Variants in WRN observed in about 807,000 individuals in gnomAD.
WRN encodes the protein bifunctional 3'-5' exonuclease/ATP-dependent helicase WRN.
A neutral mutation model predicts 180.7 loss-of-function variants in WRN; 149 were observed. The ratio of observed to expected loss-of-function variants is 0.82; its 90% CI spans 0.72 to 0.94. The LOEUF is 0.94. WRN is among the 40% of genes least tolerant of loss of function. The probability of loss-of-function intolerance (pLI) is 0.00; values close to 1 mark genes in which losing one functional copy is unlikely to be tolerated. For missense variants in WRN, 1,661 were observed against 1,700.1 expected (o/e 0.98, Z 0.40); for synonymous variants, 548 against 568.9 (o/e 0.96, Z 0.52).
chr8:31,053,885 T>C (rs983408036), intron 1 of WRN, among the ~76,000 whole-genome samples: 11 of 152,198 alleles, frequency 7.2e-5, no homozygotes, highest in African/African-American at 2.4e-4. Flanking sequence ...TATAAAAAAG[T>C]TCACGTTTAC....
intron 12 of WRN, among the ~76,000 whole-genome samples, 164 bp from the exon 13 acceptor site, chr8:31,088,726 G>A (rs1177515066): frequency 6.6e-6 from 1 of 151,852 alleles, no homozygotes; most frequent in Admixed American, 6.6e-5. Flanking sequence ...TGTCACAGAT[G>A]GTACCCAGAA....
At chr8:31,130,621 T>G (rs1684162476) in intron 23 of WRN, among the ~76,000 whole-genome samples, 1 of 19,956 alleles carries the variant, frequency 5.0e-5, no homozygotes, top group Non-Finnish European at 1.2e-4. Flanking sequence ...GATTTGGGTT[T>G]TTTTTTTTTT....
chr8:31,088,069 C>A, intron 12 of WRN, 149 bp downstream of exon 12: 2 of 1,381,542 alleles, frequency 1.4e-6, no homozygotes, highest in Non-Finnish European at 1.9e-6. Context: ...CTCCTTAGTG[C>A]TTTTGTCTCC....
intron 24 of WRN, among the ~76,000 whole-genome samples, chr8:31,135,294 G>T (rs1162962713): frequency 6.6e-6 from 1 of 152,062 alleles, no homozygotes. Context: ...AGGGCTCTCA[G>T]GTGATACCCA....
At chr8:31,150,796 C>T (rs1339878723) in intron 31 of WRN, among the ~76,000 whole-genome samples, 1 of 152,190 alleles carries the variant, frequency 6.6e-6, no homozygotes, top group Non-Finnish European at 1.5e-5. Context: ...GTTATCCTTG[C>T]TATGAGTTGG....
chr8:31,092,638 C>T lies in WRN; in HGVS notation c.1898+740C>T, dbSNP rs28376906. On this transcript the variant is annotated intron_variant, in intron 16 of 34. Transcript: ENST00000298139. ...GTATATATTAGTATATACATACACA[C>T]GAGATACACATATATTTACTGAGTT... Among the ~76,000 whole-genome samples the T allele has an allele frequency of 4.8e-3, 725 of 151,946 alleles. 4 individuals carry two copies. The highest frequency in any genetic ancestry group is 0.017 in the African/African-American group (702 of 41,408).
At chr8:31,130,374 A>G (rs1416185457) in intron 23 of WRN, among the ~76,000 whole-genome samples, 1 of 152,180 alleles carries the variant, frequency 6.6e-6, no homozygotes, top group Non-Finnish European at 1.5e-5. Flanking sequence ...TGCTATTTCA[A>G]AGATACTTAC....
At chr8:31,042,188 G>C (rs1811685586) in intron 1 of WRN, among the ~76,000 whole-genome samples, 1 of 152,118 alleles carries the variant, frequency 6.6e-6, no homozygotes, top group Non-Finnish European at 1.5e-5. Context: ...TTCAGTCGTT[G>C]GTAATAACAT....
At chr8:31,086,546 C>G (rs1008438020) in intron 11 of WRN, among the ~76,000 whole-genome samples, 3 of 151,558 alleles carry the variant, frequency 2.0e-5, no homozygotes, top group Non-Finnish European at 2.9e-5. Flanking sequence ...CCACTGCACT[C>G]TAGCCTGGGT....
At chr8:31,128,655 C>T (rs1265165008) in intron 23 of WRN, among the ~76,000 whole-genome samples, 1 of 152,094 alleles carries the variant, frequency 6.6e-6, no homozygotes, top group Non-Finnish European at 1.5e-5. Context: ...GTCAGGAGAT[C>T]GAGACCATCC....
intron 18 of WRN, among the ~76,000 whole-genome samples, chr8:31,102,645 G>C (rs1044444498): frequency 6.6e-6 from 1 of 152,148 alleles, no homozygotes; most frequent in Non-Finnish European, 1.5e-5. Flanking sequence ...GATAAAAGAT[G>C]GTATACCTGT....
intron 16 of WRN, among the ~76,000 whole-genome samples, chr8:31,094,829 A>C (rs1361415586): frequency 6.6e-6 from 1 of 152,180 alleles, no homozygotes; most frequent in Non-Finnish European, 1.5e-5. Flanking sequence ...ATAATATTCC[A>C]TAGTATGGGC....
At chr8:31,106,600 TA>T (rs1440582652) in intron 18 of WRN, among the ~76,000 whole-genome samples, 2 of 152,132 alleles carry the variant, frequency 1.3e-5, no homozygotes, top group Admixed American at 1.3e-4. Context: ...CCACATTGTC[TA>T]TAGGATGTTC....
At chr8:31,120,734 A>C (rs1404053055) in intron 21 of WRN, among the ~76,000 whole-genome samples, 3 of 151,956 alleles carry the variant, frequency 2.0e-5, no homozygotes, top group African/African-American at 7.2e-5. Context: ...ACCATTGTGC[A>C]TTAATGAACA....
chr8:31,101,119 A>G (rs558748978), intron 18 of WRN, among the ~76,000 whole-genome samples, 164 bp downstream of exon 18: 4 of 152,368 alleles, frequency 2.6e-5, no homozygotes, highest in South Asian at 4.1e-4. Context: ...TATATAATCT[A>G]TTGAGGAATA....
rs1802643784 is a variant in WRN, at chr8:31,141,708, A to G, written c.3166A>G (p.Thr1056Ala). 1 of 1,614,098 alleles carries G rather than the reference A, an allele frequency of 6.2e-7. No individual in the cohort carries two copies. The highest frequency in any genetic ancestry group is 1.3e-5 in the African/African-American group (1 of 74,944). ...KGRNWLHKAN[T>A]ESQSLILQAN... ...TAGAAATTGGCTTCATAAAGCTAAT[A>G]CAGAATCTCAGAGCCTCATCCTTCA... The change falls in exon 26 of 35, where the codon ACA (threonine) becomes GCA (alanine). Residue 1056 changes from threonine (T) to alanine (A), a missense_variant. Transcript: ENST00000298139.
rs550775884 is a variant in WRN at position 31,087,058 on chromosome 8, T to A, written c.1432-718T>A. Among the ~76,000 whole-genome samples the A allele has an allele frequency of 1.6e-3, 231 of 148,202 alleles. 2 individuals carry two copies. The highest frequency in any genetic ancestry group is 2.6e-3 in the Non-Finnish European group (173 of 66,818). Reference sequence around the variant, plus strand: ...GGCTTGAAATGAACATACTTTTTTTTAAAAAAAAACCTTCAAAATGAAAAT... The same window carrying A: ...GGCTTGAAATGAACATACTTTTTTTAAAAAAAAAACCTTCAAAATGAAAAT... On this transcript the variant is annotated intron_variant, in intron 11 of 34. Transcript: ENST00000298139.
intron 18 of WRN, among the ~76,000 whole-genome samples, chr8:31,108,470 T>A (rs1801179594): frequency 6.6e-6 from 1 of 151,692 alleles, no homozygotes; most frequent in Non-Finnish European, 1.5e-5. Flanking sequence ...TTTATTTATT[T>A]ATTTTTTTTT....
At chr8:31,099,570 T>G (rs543464857) in intron 17 of WRN, among the ~76,000 whole-genome samples, 10 of 133,236 alleles carry the variant, frequency 7.5e-5, no homozygotes, top group South Asian at 2.2e-4. Flanking sequence ...TGTTTGTTTG[T>G]TTTTTTTTTT....
Sources: gnomAD v4.1 joint callset for allele counts (sites outside exome capture counted in the v4.1 genomes callset) on GRCh38, gnomAD v4.1.1 for gene constraint, MANE v1.5 for transcripts, NCBI Gene and HGNC (gene_info 2026-07-23, HGNC 2026-07-21) for gene names.